NBAS: variants seen among roughly 807,000 people sequenced by gnomAD.
NBAS encodes NBAS subunit of NRZ tethering complex.
A neutral mutation model predicts 302.5 loss-of-function variants in NBAS; 219 were observed. The ratio of observed to expected loss-of-function variants is 0.72; its 90% CI spans 0.65 to 0.81. The LOEUF is 0.81. Ranked by LOEUF, NBAS falls within the 30% of genes least tolerant of loss-of-function variation. The probability of loss-of-function intolerance (pLI) is 0.00; values close to 1 mark genes in which losing one functional copy is unlikely to be tolerated. For synonymous variants in NBAS, 1,118 were observed against 1,021.6 expected, an observed-to-expected ratio of 1.09 and a Z score of -1.80; for missense variants, 2,932 against 2,841.6, an observed-to-expected ratio of 1.03 and a Z score of -0.72.
At chr2:14,905,126 C>G in the NBAS span, among the ~76,000 whole-genome samples, 1 of 152,320 alleles carries the variant, frequency 6.6e-6, no homozygotes, top group Non-Finnish European at 1.5e-5. Flanking sequence ...ATGGTGCCCA[C>G]CCACATTGAA....
intron 18 of NBAS, 44 bp downstream of exon 18, chr2:15,467,620 T>C (rs1195998231): frequency 2.6e-6 from 4 of 1,568,252 alleles, no homozygotes; most frequent in Non-Finnish European, 3.5e-6. Context: ...AAATGATTAG[T>C]TATTTTAAAG....
chr2:15,433,329 G>A (rs1384793799), intron 21 of NBAS, among the ~76,000 whole-genome samples: 3 of 152,094 alleles, frequency 2.0e-5, no homozygotes, highest in African/African-American at 7.2e-5. Context: ...TTTGGATTAG[G>A]AGAAAATCAG....
intron 50 of NBAS, among the ~76,000 whole-genome samples, chr2:15,184,195 A>G (rs1664962331): frequency 6.6e-6 from 1 of 152,158 alleles, no homozygotes; most frequent in Non-Finnish European, 1.5e-5. Context: ...GGCGGCTAAA[A>G]GATAGTACAT....
chr2:14,875,257 C>T, the NBAS span, among the ~76,000 whole-genome samples: 3 of 152,030 alleles, frequency 2.0e-5, no homozygotes, highest in Non-Finnish European at 4.4e-5. Context: ...ACAAACAAAA[C>T]GCTAGAACTA....
the NBAS span, among the ~76,000 whole-genome samples, chr2:15,042,985 C>T: frequency 6.6e-6 from 1 of 152,200 alleles, no homozygotes; most frequent in African/African-American, 2.4e-5. Flanking sequence ...TAACAAGCGG[C>T]TGTGGCTGCC....
the NBAS span, among the ~76,000 whole-genome samples, chr2:14,973,035 G>A: frequency 5.9e-5 from 9 of 152,160 alleles, no homozygotes; most frequent in South Asian, 4.1e-4. Flanking sequence ...CTTCCATGGC[G>A]CTCACGCCAC....
intron 12 of NBAS, among the ~76,000 whole-genome samples, chr2:15,479,116 T>G (rs1031558856): frequency 6.6e-6 from 1 of 152,200 alleles, no homozygotes; most frequent in African/African-American, 2.4e-5. Context: ...TTCAGAGCTA[T>G]TTCTTTCCAC....
In NBAS at chr2:15,461,297, T is replaced by G; in HGVS notation, c.2243A>C (p.His748Pro). ...VQALEILFTYHGSDLLPHRLA... is the reference protein window; with the variant it reads ...VQALEILFTYPGSDLLPHRLA... ...GCGATGAGGAAGCAGGTCGGAACCA[T>G]GGTAAGTAAACAGAATTTCCAGGGC... The change falls in exon 21 of 52, where the codon CAT becomes CCT. Residue 748 changes from histidine to proline, a missense_variant. Transcript: ENST00000281513. 1 of 1,613,214 alleles carries G rather than the reference T, an allele frequency of 6.2e-7. No homozygotes were observed. The highest frequency in any genetic ancestry group is 8.5e-7 in the Non-Finnish European group (1 of 1,179,244).
rs567973621 is a variant in NBAS, at chr2:15,274,297, C to T, written c.5724+1187G>A. 3.9e-5 allele frequency among the ~76,000 whole-genome samples: 6 copies of T among 152,246 alleles called. No homozygotes were observed. In the South Asian group the frequency reaches 1.2e-3, roughly 32 times the overall value. On this transcript the variant is annotated intron_variant, in intron 44 of 51. Coordinates refer to ENST00000281513, the MANE Select transcript of NBAS (RefSeq NM_015909.4). ...TTGGAACCTCTGCCTGTGCCAACCT[C>T]CAAATGAATGATTTGCAATTCTTGG...
At chr2:15,001,021 C>T in the NBAS span, among the ~76,000 whole-genome samples, 1 of 152,178 alleles carries the variant, frequency 6.6e-6, no homozygotes, top group Non-Finnish European at 1.5e-5. Flanking sequence ...TCCAGGACAG[C>T]ACGGCACCCC....
chr2:15,352,168 C>T (rs552562000), intron 34 of NBAS, 87 bp from the exon 35 acceptor site: 3 of 923,654 alleles, frequency 3.2e-6, no homozygotes, highest in East Asian at 2.6e-5. Flanking sequence ...TTAAAAAGTA[C>T]TTTTAAAAAG....
At chr2:15,317,434 G>A (rs532535470) in intron 38 of NBAS, among the ~76,000 whole-genome samples, 4 of 152,218 alleles carry the variant, frequency 2.6e-5, no homozygotes, top group East Asian at 1.9e-4. Flanking sequence ...TCAGAAGGTC[G>A]GTAATAACAA....
the NBAS span, among the ~76,000 whole-genome samples, chr2:14,874,492 G>C: frequency 6.7e-6 from 1 of 148,860 alleles, no homozygotes; most frequent in Non-Finnish European, 1.5e-5. Context: ...TACAAAAAAT[G>C]AGCCGGGCAT....
At chr2:15,064,547 A>G in the NBAS span, among the ~76,000 whole-genome samples, 1 of 152,140 alleles carries the variant, frequency 6.6e-6, no homozygotes, top group Non-Finnish European at 1.5e-5. Context: ...GGACAGACCA[A>G]TAAAAATGAG....
the NBAS span, among the ~76,000 whole-genome samples, chr2:14,910,498 C>A: frequency 6.6e-6 from 1 of 152,166 alleles, no homozygotes. Flanking sequence ...AACCAAGGTC[C>A]CTCAGCCAGG....
intron 6 of NBAS, among the ~76,000 whole-genome samples, chr2:15,542,802 T>G (rs952784856): frequency 2.0e-5 from 3 of 152,224 alleles, no homozygotes; most frequent in African/African-American, 7.2e-5. Context: ...AACACTACCA[T>G]GTGATAACAG....
intron 45 of NBAS, 23 bp downstream of exon 45, chr2:15,238,445 T>C (rs760262592): frequency 4.8e-5 from 77 of 1,599,912 alleles, no homozygotes; most frequent in Non-Finnish European, 6.3e-5. Flanking sequence ...AGAGTGAGCA[T>C]ATAGAAGTTC....
chr2:15,226,258 G>T (rs551239689), intron 47 of NBAS, among the ~76,000 whole-genome samples: 1 of 152,268 alleles, frequency 6.6e-6, no homozygotes, highest in African/African-American at 2.4e-5. Context: ...CAAAGTCTTG[G>T]CATAGAGGAA....
At chr2:15,516,743 AG>A in intron 9 of NBAS, among the ~76,000 whole-genome samples, 1 of 144,212 alleles carries the variant, frequency 6.9e-6, no homozygotes, top group South Asian at 2.2e-4. Context: ...AAAAAAAAAA[AG>A]ACTGGGAGAA....
Sources: allele counts gnomAD v4.1 joint callset (sites outside exome capture counted in the v4.1 genomes callset), GRCh38; gene constraint gnomAD v4.1.1; transcripts MANE v1.5; gene names NCBI Gene and HGNC (gene_info 2026-07-23, HGNC 2026-07-21).